Variants in HHLA2 observed in about 807,000 individuals in gnomAD.
The protein encoded by HHLA2 is HERV-H LTR-associating protein 2.
HHLA2 carries 48 observed loss-of-function variants against 45.9 expected under a neutral mutation model. The ratio of observed to expected loss-of-function variants is 1.05; its 90% CI spans 0.83 to 1.33. The LOEUF is 1.33. HHLA2 is among the 40% of genes most tolerant of loss of function. HHLA2 has a pLI of 0.00. For missense variants in HHLA2, 462 were observed against 494.3 expected (o/e 0.93, Z 0.62); for synonymous variants, 161 against 173.9 (o/e 0.93, Z 0.59).
At chr3:108,299,729 T>C (rs2080820263) in intron 1 of HHLA2, among the ~76,000 whole-genome samples, 1 of 152,152 alleles carries the variant, frequency 6.6e-6, no homozygotes, top group Admixed American at 6.6e-5. Flanking sequence ...TCTTAAATAT[T>C]TCAGACCCAT....
At chr3:108,305,897 T>C (rs1267455148) in intron 1 of HHLA2, among the ~76,000 whole-genome samples, 3 of 152,194 alleles carry the variant, frequency 2.0e-5, no homozygotes, top group Non-Finnish European at 4.4e-5. Flanking sequence ...AAATGTGGGC[T>C]CACATCTGCT....
intron 3 of HHLA2, among the ~76,000 whole-genome samples, chr3:108,337,800 G>A (rs2081499375): frequency 6.6e-6 from 1 of 152,048 alleles, no homozygotes; most frequent in Non-Finnish European, 1.5e-5. Flanking sequence ...GCTCTTTTTG[G>A]TGCTTGGTCA....
At chr3:108,317,875 G>A (rs952418293) in intron 2 of HHLA2, among the ~76,000 whole-genome samples, 1 of 151,960 alleles carries the variant, frequency 6.6e-6, no homozygotes, top group African/African-American at 2.4e-5. Flanking sequence ...ACCCAGCCTG[G>A]GAGATTACTT....
At chr3:108,344,857 T>A (rs560434199) in intron 3 of HHLA2, among the ~76,000 whole-genome samples, 1 of 152,322 alleles carries the variant, frequency 6.6e-6, no homozygotes, top group Admixed American at 6.5e-5. Context: ...CTAGCTATAT[T>A]CTTTCTGATA....
intron 2 of HHLA2, chr3:108,325,741 A>G (rs1435481864): frequency 8.1e-6 from 2 of 245,724 alleles, no homozygotes; most frequent in East Asian, 1.2e-4. Flanking sequence ...GCCCGCAGCC[A>G]CCATATCTAC....
At chr3:108,346,866 G>T (rs978151639) in intron 3 of HHLA2, among the ~76,000 whole-genome samples, 2 of 152,158 alleles carry the variant, frequency 1.3e-5, no homozygotes, top group Non-Finnish European at 2.9e-5. Context: ...TGGGTATGGG[G>T]GAGCTGTTCT....
intron 2 of HHLA2, chr3:108,325,739 C>T: frequency 4.1e-6 from 1 of 243,812 alleles, no homozygotes. Flanking sequence ...GTGCCCGCAG[C>T]CACCATATCT....
chr3:108,330,012 T>C (rs1157901589), intron 3 of HHLA2, among the ~76,000 whole-genome samples: 1 of 152,000 alleles, frequency 6.6e-6, no homozygotes, highest in Admixed American at 6.6e-5. Flanking sequence ...CTGGAGAAAA[T>C]GCTTCCAAAC....
intron 8 of HHLA2, among the ~76,000 whole-genome samples, chr3:108,369,619 C>T (rs1576181449): frequency 6.6e-6 from 1 of 152,208 alleles, no homozygotes; most frequent in Non-Finnish European, 1.5e-5. Flanking sequence ...CACCCTAATA[C>T]TGCGCTTTTC....
At chr3:108,355,030 GGATATTA>G (rs2107462810) in intron 5 of HHLA2, 78 bp from the exon 5 acceptor site, 3 of 1,375,176 alleles carry the variant, frequency 2.2e-6, no homozygotes, top group Non-Finnish European at 2.9e-6. Flanking sequence ...TTCATTTCAT[GGATATTA>G]AAAAGTATTC....
intron 3 of HHLA2, among the ~76,000 whole-genome samples, chr3:108,346,295 G>A (rs1041407149): frequency 1.3e-5 from 2 of 152,146 alleles, no homozygotes; most frequent in Admixed American, 6.6e-5. Context: ...TAAAGAGAGG[G>A]TAATCCTGAA....
chr3:108,351,950 G>A (rs1191687275), intron 4 of HHLA2, 73 bp downstream of exon 3: 1 of 1,013,530 alleles, frequency 9.9e-7, no homozygotes, highest in Non-Finnish European at 1.5e-6. Flanking sequence ...AATGCAAGGT[G>A]GCTATTTCCT....
intron 3 of HHLA2, among the ~76,000 whole-genome samples, chr3:108,332,562 G>T (rs1261872855): frequency 6.6e-6 from 1 of 152,120 alleles, no homozygotes; most frequent in Non-Finnish European, 1.5e-5. Context: ...CTGAGACAAA[G>T]CTTACAATAG....
intron 3 of HHLA2, among the ~76,000 whole-genome samples, chr3:108,338,871 TA>T (rs1203291176): frequency 6.6e-6 from 1 of 152,176 alleles, no homozygotes; most frequent in Non-Finnish European, 1.5e-5. Context: ...TGGGCATTCA[TA>T]AATGTCCCCT....
chr3:108,319,367 C>T (rs1471339228), intron 2 of HHLA2, among the ~76,000 whole-genome samples: 1 of 152,184 alleles, frequency 6.6e-6, no homozygotes, highest in Non-Finnish European at 1.5e-5. Flanking sequence ...TTCCTTCCTT[C>T]CTCGACTCTT....
At chr3:108,299,270 CTT>C (rs1308691339) in intron 1 of HHLA2, among the ~76,000 whole-genome samples, 1 of 150,910 alleles carries the variant, frequency 6.6e-6, no homozygotes, top group African/African-American at 2.4e-5. Flanking sequence ...GGAAAATAAA[CTT>C]AGTTTAAAAA....
chr3:108,302,904 T>G (rs981107273), intron 1 of HHLA2: 2 of 152,164 alleles, frequency 1.3e-5, no homozygotes, highest in African/African-American at 4.8e-5. Flanking sequence ...CAGCACACAC[T>G]AATAGGAAAT....
intron 3 of HHLA2, among the ~76,000 whole-genome samples, chr3:108,333,740 T>C (rs1251915190): frequency 6.6e-6 from 1 of 152,212 alleles, no homozygotes; most frequent in African/African-American, 2.4e-5. Context: ...CACCAGTTAG[T>C]CTGTATTCAA....
chr3:108,340,912 C>CTTT, intron 3 of HHLA2, among the ~76,000 whole-genome samples: 1 of 63,952 alleles, frequency 1.6e-5, no homozygotes, highest in East Asian at 3.2e-4. Context: ...TTTTTTTTTC[C>CTTT]TTCCTTCCTT....
Sources: allele counts gnomAD v4.1 joint callset (sites outside exome capture counted in the v4.1 genomes callset), GRCh38; gene constraint gnomAD v4.1.1; transcripts MANE v1.5; gene names NCBI Gene and HGNC (gene_info 2026-07-23, HGNC 2026-07-21).